The following ARMCX4 variants were observed in gnomAD, a reference collection of about 807,000 sequenced individuals.
ARMCX4 encodes the protein armadillo repeat-containing X-linked protein 4.
In ARMCX4, 3 loss-of-function variants were observed where a neutral mutation model predicts 34.7. The observed-to-expected ratio is 0.09, with a 90% CI of 0.04 to 0.22. The LOEUF is 0.22. ARMCX4 is among the 10% of genes least tolerant of loss of function. ARMCX4 has a pLI of 1.00. For synonymous variants in ARMCX4, 513 were observed against 632.8 expected, an observed-to-expected ratio of 0.81 and a Z score of 2.84; for missense variants, 1,448 against 1,720.8, an observed-to-expected ratio of 0.84 and a Z score of 2.81.
In ARMCX4 at chrX:101,490,897, G is replaced by A. The variant is rs1933948089; in HGVS notation, c.2308G>A (p.Ala770Thr). Residue 770 changes from alanine to threonine, a missense_variant, in exon 6 of 6, where the codon GCC becomes ACC. Ala to Thr is a moderately conservative substitution (Grantham distance 58). Coordinates refer to ENST00000423738, the MANE Select transcript of ARMCX4 (RefSeq NM_001256155.3). Reference protein sequence around the residue: ...VLPGAKNKVKANLNAVSKAEA... With the variant: ...VLPGAKNKVKTNLNAVSKAEA... The stretch of plus-strand genomic sequence containing the variant: ...GCCTGGTGCCAAAAATAAGGTCAAG[G>A]CCAATCTTAATGCTGTGTCTAAGGC... 8.7e-7 allele frequency: 1 copy of A among 1,153,178 alleles called. No individual in the cohort carries two copies. The highest frequency in any genetic ancestry group is 1.1e-6 in the Non-Finnish European group (1 of 872,383).
intron 11 of ARMCX4, among the ~76,000 whole-genome samples, chrX:101,525,188 AG>A (rs1934938758): frequency 8.9e-6 from 1 of 112,088 alleles, no homozygotes; most frequent in African/African-American, 3.2e-5. Flanking sequence ...CAGGGTCTGG[AG>A]TGGACCTCCA....
chrX:101,440,029 T>G (rs782208661), intron 2 of ARMCX4, among the ~76,000 whole-genome samples: 407 of 112,357 alleles, frequency 3.6e-3, no homozygotes, highest in Non-Finnish European at 4.9e-3. Context: ...AGGAGCTGTG[T>G]TCCTTTGGAG....
At chrX:101,504,126 G>T in intron 7 of ARMCX4, among the ~76,000 whole-genome samples, 1 of 111,428 alleles carries the variant, frequency 9.0e-6, no homozygotes, top group Non-Finnish European at 1.9e-5. Flanking sequence ...TGAGGGCTCT[G>T]TTCTATTCCA....
Position 101,492,278 on chromosome X carries a change from A to G in ARMCX4, c.3689A>G (p.Gln1230Arg). 1 of 1,137,476 alleles carries G rather than the reference A, an allele frequency of 8.8e-7. No individual in the cohort carries two copies. The highest frequency in any genetic ancestry group is 1.2e-6 in the Non-Finnish European group (1 of 864,081). The allele number at this position is 1,137,476 out of a possible 1,213,427, so 93.7% of individuals were successfully genotyped here. ...SGGSWALAGNQAIGELWAAGQ... is the reference protein window; with the variant it reads ...SGGSWALAGNRAIGELWAAGQ... ...GGGTCTTGGGCTCTCGCTGGGAATC[A>G]GGCCATTGGAGAGCTTTGGGCTGCG... The change falls in exon 6 of 6, where the codon CAG (glutamine) becomes CGG (arginine). Residue 1230 changes from glutamine to arginine, a missense_variant. By Grantham distance (43) the Gln-to-Arg change is conservative (BLOSUM62 1). Coordinates refer to ENST00000423738, the MANE Select transcript of ARMCX4 (RefSeq NM_001256155.3).
intron 11 of ARMCX4, among the ~76,000 whole-genome samples, chrX:101,515,465 TCCTCCCTCCCTC>T (rs1198191576): frequency 2.5e-4 from 7 of 27,775 alleles, no homozygotes; most frequent in African/African-American, 7.6e-4. Context: ...CTTCCTTCCT[TCCTCCCTCCCTC>T]CCTCCCTCCC....
intron 4 of ARMCX4, among the ~76,000 whole-genome samples, chrX:101,453,654 G>C (rs1932109933): frequency 1.8e-5 from 2 of 110,834 alleles, no homozygotes; most frequent in Non-Finnish European, 3.8e-5. Flanking sequence ...TGAGGCTTCT[G>C]GTCACAGCTG....
At chrX:101,464,371 C>T (rs1403186808) in intron 4 of ARMCX4, among the ~76,000 whole-genome samples, 1 of 110,383 alleles carries the variant, frequency 9.1e-6, no homozygotes, top group African/African-American at 3.3e-5. Flanking sequence ...AGTGAAACTC[C>T]GTCTCAAATA....
chrX:101,430,702 C>T (rs977664731), intron 2 of ARMCX4, among the ~76,000 whole-genome samples: 3 of 112,081 alleles, frequency 2.7e-5, no homozygotes, highest in African/African-American at 9.7e-5. Flanking sequence ...AGGCTTTAAC[C>T]AAACCTCTGT....
chrX:101,528,543 G>A (rs1263723208), intron 11 of ARMCX4, among the ~76,000 whole-genome samples: 1 of 111,550 alleles, frequency 9.0e-6, no homozygotes, highest in Non-Finnish European at 1.9e-5. Flanking sequence ...AAGTCAAATT[G>A]TCCCTGTTCA....
chrX:101,526,630 T>C (rs1211874260), intron 11 of ARMCX4, among the ~76,000 whole-genome samples: 1 of 111,656 alleles, frequency 9.0e-6, no homozygotes, highest in Non-Finnish European at 1.9e-5. Flanking sequence ...AATAAAGGGA[T>C]GGATGAAGAT....
In ARMCX4 at chrX:101,490,707, C is replaced by T. The variant is rs782068587; in HGVS notation, c.2118C>T (p.Gly706=). The T allele has an allele frequency of 9.5e-6, 11 of 1,153,239 alleles. No individual in the cohort carries two copies. Among genetic ancestry groups the T allele is most frequent in the South Asian group, 3.8e-5 (2 of 52,514 alleles). Residue 706 remains glycine (G), a synonymous_variant, in exon 6 of 6, where the codon GGC becomes GGT. Coordinates refer to ENST00000423738, the MANE Select transcript of ARMCX4 (RefSeq NM_001256155.3). ...CAGGGGCTGGGACAGATACAACAGG[C>T]TCTGTCCAGCCCCAGATTGTGGCCA... The part of the protein sequence containing the change: ...SKAGAGTDTT[G]SVQPQIVANS...
At chrX:101,510,982 A>G (rs782198234) in intron 10 of ARMCX4, 7 of 110,967 alleles carry the variant, frequency 6.3e-5, no homozygotes, top group Non-Finnish European at 1.1e-4. Flanking sequence ...TTCATCCTTA[A>G]TATTTTGAAA....
chrX:101,435,948 A>G (rs1930728741), intron 2 of ARMCX4, among the ~76,000 whole-genome samples: 2 of 111,166 alleles, frequency 1.8e-5, no homozygotes, highest in Non-Finnish European at 3.8e-5. Context: ...AAGATCAGAT[A>G]GTTGTAGATA....
chrX:101,513,767 A>G (rs901525020), intron 11 of ARMCX4, among the ~76,000 whole-genome samples: 1 of 110,946 alleles, frequency 9.0e-6, no homozygotes, highest in African/African-American at 3.3e-5. Flanking sequence ...CAGGTGACCT[A>G]CACCTTCATT....
chrX:101,493,669 A>T lies in ARMCX4; in HGVS notation c.5080A>T (p.Ile1694Phe). ...WAGSRPGNEA[I>F]GGSRMGSEDQ... ...TGGATCTAGGCCTGGGAATGAGGCC[A>T]TTGGAGGATCTAGGATGGGATCTGA... Residue 1694 changes from isoleucine to phenylalanine, a missense_variant, in exon 6 of 6, where the codon ATT becomes TTT. Coordinates refer to ENST00000423738, the MANE Select transcript of ARMCX4 (RefSeq NM_001256155.3). The T allele has an allele frequency of 8.7e-7, 1 of 1,152,625 alleles. No homozygotes were observed. Among genetic ancestry groups the T allele is most frequent in the South Asian group, 1.9e-5 (1 of 52,503 alleles). The allele number at this position is 1,152,625 out of a possible 1,213,427, so 95.0% of individuals were successfully genotyped here. A position where few individuals can be genotyped will look rare whatever the true frequency, so the allele number is the denominator to read the frequency against.
chrX:101,512,805 C>T (rs782750223), intron 11 of ARMCX4, among the ~76,000 whole-genome samples: 9 of 85,733 alleles, frequency 1.0e-4, no homozygotes, highest in African/African-American at 3.3e-4. Context: ...TACATATATA[C>T]ACATATATAC....
In ARMCX4 at chrX:101,490,466, A is replaced by G; in HGVS notation, c.1877A>G (p.Asp626Gly). 8.7e-7 allele frequency: 1 copy of G among 1,151,505 alleles called. No individual in the cohort carries two copies. Among genetic ancestry groups the G allele is most frequent in the East Asian group, 3.3e-5 (1 of 30,548 alleles). The allele number at this position is 1,151,505 out of a possible 1,213,427, so 94.9% of individuals were successfully genotyped here. ...GTGGGGGCTGGAGAAGGTACAACAG[A>G]CTCTGCCCAGCCTGAGGCAGTGGTC... is the stretch of plus-strand genomic sequence containing the variant. ...LKVGAGEGTT[D>G]SAQPEAVVSF... Residue 626 changes from aspartate to glycine, a missense_variant, in exon 6 of 6, where the codon GAC (aspartate) becomes GGC (glycine). Asp to Gly is a moderately conservative substitution (Grantham distance 94). Around this residue, in one of 2 missense-constraint regions of ARMCX4, gnomAD observed 1,343 missense variants for 1,540.7 expected, o/e 0.87. Coordinates refer to ENST00000423738, the MANE Select transcript of ARMCX4 (RefSeq NM_001256155.3).
chrX:101,488,190 C>A, intron 5 of ARMCX4, 91 bp downstream of exon 5: 1 of 356,326 alleles, frequency 2.8e-6, no homozygotes, highest in Non-Finnish European at 4.7e-6. Context: ...TCCCATTTAT[C>A]GTCAGACCTC....
At chrX:101,502,891 C>T (rs1603219587) in intron 7 of ARMCX4, among the ~76,000 whole-genome samples, 1 of 102,327 alleles carries the variant, frequency 9.8e-6, no homozygotes, top group Non-Finnish European at 2.0e-5. Context: ...CCCATTAACT[C>T]GTCATTTAAC....
Sources: allele counts gnomAD v4.1 joint callset (sites outside exome capture counted in the v4.1 genomes callset), GRCh38; gene constraint gnomAD v4.1.1; regional missense constraint gnomAD v4.1.1; transcripts MANE v1.5; gene names NCBI Gene and HGNC (gene_info 2026-07-23, HGNC 2026-07-21).